The following OR2L3 variants were observed in gnomAD, a reference collection of about 807,000 sequenced individuals.
OR2L3 encodes olfactory receptor 2L3.
For missense variants in OR2L3, 369 were observed against 376.6 expected, an observed-to-expected ratio of 0.98 and a Z score of 0.17; for synonymous variants, 131 against 139.1, an observed-to-expected ratio of 0.94 and a Z score of 0.41.
chr1:248,058,351 C>T (rs1409868598), intron 1 of OR2L3, among the ~76,000 whole-genome samples: 2 of 152,106 alleles, frequency 1.3e-5, no homozygotes, highest in Non-Finnish European at 2.9e-5. Flanking sequence ...ATGATACAGA[C>T]CCCCATGGAT....
chr1:248,050,172 C>T (rs1349863976), intron 1 of OR2L3, among the ~76,000 whole-genome samples: 1 of 152,030 alleles, frequency 6.6e-6, no homozygotes, highest in African/African-American at 2.4e-5. Flanking sequence ...GTCCTACTCA[C>T]TCTGAAATAG....
chr1:248,061,690 T>C lies in OR2L3; in HGVS notation c.*70T>C. 1 of 1,338,840 alleles carries C rather than the reference T, an allele frequency of 7.5e-7. No individual in the cohort carries two copies. The highest frequency in any genetic ancestry group is 1.0e-6 in the Non-Finnish European group (1 of 995,696). The allele number at this position is 1,338,840 out of a possible 1,614,324, so 82.9% of individuals were successfully genotyped here. On this transcript the variant is annotated 3_prime_UTR_variant, in exon 2 of 2. Transcript: ENST00000359959. ...CCAGCAGTGTATAGTAATTAAAATATTATTTCAATCCTAGAGTTCAGGAGC... is the reference window on the plus strand; with the variant it reads ...CCAGCAGTGTATAGTAATTAAAATACTATTTCAATCCTAGAGTTCAGGAGC...
In OR2L3 at chr1:248,060,650, T is replaced by C. The variant is rs1663593080; in HGVS notation, c.-21-11T>C. 1.3e-6 allele frequency: 2 copies of C among 1,546,154 alleles called. No homozygotes were observed. Among genetic ancestry groups the C allele is most frequent in the Non-Finnish European group, 1.8e-6 (2 of 1,130,012 alleles). On this transcript the variant is annotated splice_polypyrimidine_tract_variant and intron_variant, in intron 1 of 1. Coordinates refer to ENST00000359959, the MANE Select transcript of OR2L3 (RefSeq NM_001004687.2). Reference sequence around the variant, plus strand: ...TTTCTGTGCTTAACTTACCCTTGTGTCTCCCTTCAGGAAAGAGCACACGAA... The same window carrying C: ...TTTCTGTGCTTAACTTACCCTTGTGCCTCCCTTCAGGAAAGAGCACACGAA...
At position 248,061,420 on chromosome 1, in the gene OR2L3, G is replaced by C. The variant is rs762962298; in HGVS notation, c.739G>C (p.Val247Leu). 8 of 1,613,924 alleles carry C rather than the reference G, an allele frequency of 5.0e-6. No homozygotes were observed. Among genetic ancestry groups the C allele is most frequent in the Non-Finnish European group, 2.5e-6 (3 of 1,180,008 alleles). Residue 247 changes from valine to leucine, a missense_variant, in exon 2 of 2, where the codon GTA becomes CTA. Coordinates refer to ENST00000359959, the MANE Select transcript of OR2L3 (RefSeq NM_001004687.2). ...GACCTGCAGCACCCACCTCACTGTA[G>C]TAACTTTCTACTATGCACCTTTTGT... ...YLTCSTHLTV[V>L]TFYYAPFVYT...
At chr1:248,055,266 G>A (rs1008031464) in intron 1 of OR2L3, among the ~76,000 whole-genome samples, 2 of 152,180 alleles carry the variant, frequency 1.3e-5, no homozygotes, top group African/African-American at 4.8e-5. Flanking sequence ...TGTACAACCA[G>A]CTTGCATCCA....
chr1:248,053,572 C>T (rs144995994), intron 1 of OR2L3, among the ~76,000 whole-genome samples: 34 of 152,330 alleles, frequency 2.2e-4, no homozygotes, highest in African/African-American at 7.7e-4. Context: ...TTCCCACCAA[C>T]AGTGTGAAAG....
chr1:248,050,592 T>G (rs1663233045), intron 1 of OR2L3, among the ~76,000 whole-genome samples: 1 of 152,134 alleles, frequency 6.6e-6, no homozygotes, highest in African/African-American at 2.4e-5. Context: ...GATGTGCCAT[T>G]TATTATGCTG....
rs1183644895 is a variant in OR2L3 at position 248,061,465 on chromosome 1, A to G, written c.784A>G (p.Arg262Gly). ...APFVYTYLRP[R>G]SLRSPTEDKV... The stretch of plus-strand genomic sequence containing the variant: ...TTTTGTCTACACTTATCTACGTCCA[A>G]GATCCCTGCGATCTCCAACAGAGGA... The change falls in exon 2 of 2, where the codon AGA becomes GGA. Residue 262 changes from arginine (R) to glycine (G), a missense_variant. By Grantham distance (125) the Arg-to-Gly change is moderately radical (BLOSUM62 -2). Transcript: ENST00000359959. 6.2e-7 allele frequency: 1 copy of G among 1,614,014 alleles called. No homozygotes were observed. The highest frequency in any genetic ancestry group is 8.5e-7 in the Non-Finnish European group (1 of 1,179,976).
intron 1 of OR2L3, among the ~76,000 whole-genome samples, chr1:248,055,509 A>T (rs1663405671): frequency 6.6e-6 from 1 of 152,088 alleles, no homozygotes; most frequent in Non-Finnish European, 1.5e-5. Context: ...TAATCCCAGC[A>T]CTCTGGAAGG....
intron 1 of OR2L3, among the ~76,000 whole-genome samples, chr1:248,054,214 A>G (rs1459149871): frequency 1.3e-5 from 2 of 152,154 alleles, no homozygotes; most frequent in African/African-American, 2.4e-5. Flanking sequence ...TTAAATAGGG[A>G]ATCTTTTCCC....
At chr1:248,058,798 A>G (rs1311348206) in intron 1 of OR2L3, among the ~76,000 whole-genome samples, 2 of 152,034 alleles carry the variant, frequency 1.3e-5, no homozygotes, top group Non-Finnish European at 2.9e-5. Context: ...GAAAGTCCTT[A>G]AGCACATATT....
Position 248,061,856 on chromosome 1 carries a change from A to G in OR2L3, c.*236A>G, listed in dbSNP as rs78437086. ...ATTTTGAAAGCACCTACTTTTACTA[A>G]TATGTTGTCAATGAGAATTTTTGTT... On this transcript the variant is annotated 3_prime_UTR_variant, in exon 2 of 2. Coordinates refer to ENST00000359959, the MANE Select transcript of OR2L3 (RefSeq NM_001004687.2). 0.01 allele frequency: 3,676 copies of G among 359,742 alleles called. 126 individuals carry two copies. Among genetic ancestry groups the G allele is most frequent in the African/African-American group, 0.07 (3,369 of 48,002 alleles). 22.3% of individuals were successfully genotyped at this position (359,742 alleles called of 1,614,324 possible). A position where few individuals can be genotyped will look rare whatever the true frequency, so the allele number is the denominator to read the frequency against.
chr1:248,052,819 T>C (rs1018731703), intron 1 of OR2L3, among the ~76,000 whole-genome samples: 1 of 152,158 alleles, frequency 6.6e-6, no homozygotes, highest in East Asian at 1.9e-4. Context: ...GAGGATTCTT[T>C]AAGATTCATA....
chr1:248,057,014 G>A (rs1663456653), intron 1 of OR2L3, among the ~76,000 whole-genome samples: 1 of 152,008 alleles, frequency 6.6e-6, no homozygotes, highest in Non-Finnish European at 1.5e-5. Context: ...TGTTTGTTAT[G>A]ATTTCAGTTC....
intron 1 of OR2L3, among the ~76,000 whole-genome samples, chr1:248,050,782 A>C (rs1309458628): frequency 9.9e-5 from 15 of 152,200 alleles, no homozygotes; most frequent in Admixed American, 2.0e-4. Context: ...TAAATTACGG[A>C]GTATTGGATT....
chr1:248,052,894 A>C lies in OR2L3; in HGVS notation c.-22+6014A>C, dbSNP rs568307411. ...ATTTATCATTTTAATTTTGATAGAG[A>C]TTCTACTAATTTTTTTGGCTTTGTA... On this transcript the variant is annotated intron_variant, in intron 1 of 1. Transcript: ENST00000359959. 4.6e-5 allele frequency among the ~76,000 whole-genome samples: 7 copies of C among 151,652 alleles called. 1 individual carries two copies. The highest frequency in any genetic ancestry group is 1.7e-4 in the African/African-American group (7 of 41,358).
intron 1 of OR2L3, among the ~76,000 whole-genome samples, chr1:248,057,268 C>G (rs1663463994): frequency 6.6e-6 from 1 of 152,104 alleles, no homozygotes; most frequent in Non-Finnish European, 1.5e-5. Flanking sequence ...GTGTAGGGGT[C>G]TAAGTCTCTT....
intron 1 of OR2L3, among the ~76,000 whole-genome samples, chr1:248,048,908 T>C (rs998380956): frequency 6.8e-6 from 1 of 146,160 alleles, no homozygotes; most frequent in Non-Finnish European, 1.5e-5. Context: ...GCTTTTTCTT[T>C]CCTTTTCTCT....
At chr1:248,055,102 A>T (rs936307782) in intron 1 of OR2L3, among the ~76,000 whole-genome samples, 1 of 152,064 alleles carries the variant, frequency 6.6e-6, no homozygotes, top group Non-Finnish European at 1.5e-5. Context: ...TATTATTTTG[A>T]TGTATGTTCC....
Sources: allele counts gnomAD v4.1 joint callset (sites outside exome capture counted in the v4.1 genomes callset), GRCh38; gene constraint gnomAD v4.1.1; transcripts MANE v1.5; gene names NCBI Gene and HGNC (gene_info 2026-07-23, HGNC 2026-07-21).